TMEM232: variants seen among roughly 807,000 people sequenced by gnomAD.
The protein encoded by TMEM232 is transmembrane protein 232.
Under a neutral mutation model 78.8 loss-of-function variants are expected in TMEM232, and 80 were observed. The ratio of observed to expected loss-of-function variants is 1.01; its 90% confidence interval spans 0.85 to 1.22. The LOEUF is 1.22. TMEM232 is among the 50% of genes most tolerant of loss of function. The probability of loss-of-function intolerance (pLI) is 0.00; values close to 1 mark genes in which losing one functional copy is unlikely to be tolerated. For missense variants in TMEM232, 881 were observed against 742.2 expected (o/e 1.19, Z -2.17); for synonymous variants, 297 against 254.3 (o/e 1.17, Z -1.60).
intron 1 of TMEM232, among the ~76,000 whole-genome samples, chr5:110,712,761 A>T (rs1019629917): frequency 6.6e-6 from 1 of 152,178 alleles, no homozygotes; most frequent in African/African-American, 2.4e-5. Context: ...GCAATAACAA[A>T]TGCTGGAGAG....
At chr5:110,574,011 T>C (rs1777268212) in intron 10 of TMEM232, among the ~76,000 whole-genome samples, 1 of 152,000 alleles carries the variant, frequency 6.6e-6, no homozygotes, top group South Asian at 2.1e-4. Context: ...TTATTCTTAG[T>C]ATAACAAATA....
intron 12 of TMEM232, among the ~76,000 whole-genome samples, chr5:110,506,421 A>C (rs1321105988): frequency 6.6e-6 from 1 of 152,180 alleles, no homozygotes; most frequent in Non-Finnish European, 1.5e-5. Flanking sequence ...TAGAATCTAA[A>C]TGCAAATGGA....
intron 1 of TMEM232, among the ~76,000 whole-genome samples, chr5:110,696,234 C>G (rs1277323637): frequency 6.6e-6 from 1 of 152,100 alleles, no homozygotes; most frequent in Non-Finnish European, 1.5e-5. Context: ...GCAGAAAAGG[C>G]CTTTGACAAA....
At chr5:110,389,887 G>C (rs1419625150) in intron 4 of TMEM232, among the ~76,000 whole-genome samples, 3 of 148,014 alleles carry the variant, frequency 2.0e-5, no homozygotes, top group Non-Finnish European at 4.6e-5. Context: ...AACATGAAGA[G>C]CAAGAAGTCA....
intron 12 of TMEM232, among the ~76,000 whole-genome samples, chr5:110,458,278 T>G (rs1335599493): frequency 6.6e-6 from 1 of 152,124 alleles, no homozygotes; most frequent in Non-Finnish European, 1.5e-5. Flanking sequence ...CATCTTTTTT[T>G]TGTTTTTTTT....
chr5:110,440,977 A>G (rs1758967963), intron 12 of TMEM232, among the ~76,000 whole-genome samples: 1 of 152,156 alleles, frequency 6.6e-6, no homozygotes, highest in South Asian at 2.1e-4. Context: ...CCATGTTTTA[A>G]TACTGCCATC....
chr5:110,409,542 T>A (rs948073132), intron 2 of TMEM232, among the ~76,000 whole-genome samples: 2 of 152,242 alleles, frequency 1.3e-5, no homozygotes, highest in African/African-American at 4.8e-5. Flanking sequence ...GGTCAGTACA[T>A]TCACAGTCTG....
chr5:110,590,442 G>C (rs949080953), intron 10 of TMEM232, among the ~76,000 whole-genome samples: 1 of 152,042 alleles, frequency 6.6e-6, no homozygotes, highest in African/African-American at 2.4e-5. Flanking sequence ...ATTCTCATAG[G>C]AACATGAACC....
chr5:110,660,373 T>C (rs1443110855), intron 2 of TMEM232, among the ~76,000 whole-genome samples: 3 of 151,982 alleles, frequency 2.0e-5, no homozygotes, highest in Non-Finnish European at 4.4e-5. Flanking sequence ...ATAAAAAATA[T>C]ATTCAGACAA....
At chr5:110,415,990 GA>G (rs1317077851), downstream of TMEM232, among the ~76,000 whole-genome samples, 3 of 152,020 alleles carry the variant, frequency 2.0e-5, no homozygotes, top group Admixed American at 2.0e-4. Flanking sequence ...GCTTTTCAGT[GA>G]AACAGGAAAA....
At chr5:110,626,868 T>C (rs1019687029) in intron 6 of TMEM232, among the ~76,000 whole-genome samples, 1 of 152,088 alleles carries the variant, frequency 6.6e-6, no homozygotes, top group African/African-American at 2.4e-5. Context: ...CACTTCCTCT[T>C]ACCTCCCTTA....
At chr5:110,493,106 GA>G (rs1214571524) in intron 12 of TMEM232, among the ~76,000 whole-genome samples, 1 of 151,078 alleles carries the variant, frequency 6.6e-6, no homozygotes, top group Non-Finnish European at 1.5e-5. Flanking sequence ...ACCCATACAA[GA>G]AAAAAAATTA....
chr5:110,522,851 A>C (rs1193715489), intron 12 of TMEM232, among the ~76,000 whole-genome samples: 2 of 152,126 alleles, frequency 1.3e-5, no homozygotes, highest in Non-Finnish European at 2.9e-5. Flanking sequence ...ATCTATATTC[A>C]TAAAAGTTAT....
At chr5:110,687,586 G>C (rs1334772104) in intron 1 of TMEM232, among the ~76,000 whole-genome samples, 1 of 152,052 alleles carries the variant, frequency 6.6e-6, no homozygotes, top group East Asian at 1.9e-4. Flanking sequence ...GATTCCTGGA[G>C]CATAAGGTTT....
At chr5:110,679,841 T>C (rs1270487993) in intron 1 of TMEM232, among the ~76,000 whole-genome samples, 2 of 152,218 alleles carry the variant, frequency 1.3e-5, no homozygotes, top group Non-Finnish European at 2.9e-5. Flanking sequence ...TTATGTCTGT[T>C]GGTTCTAAGT....
intron 2 of TMEM232, among the ~76,000 whole-genome samples, chr5:110,412,347 A>G (rs1410739565): frequency 1.3e-5 from 2 of 152,144 alleles, no homozygotes; most frequent in Non-Finnish European, 2.9e-5. Context: ...ATCCAATCAA[A>G]CCTAATTTTC....
At chr5:110,668,557 T>C (rs1790914744) in intron 1 of TMEM232, among the ~76,000 whole-genome samples, 1 of 152,122 alleles carries the variant, frequency 6.6e-6, no homozygotes, top group Admixed American at 6.6e-5. Flanking sequence ...AGACACAAAA[T>C]GTCATTGTCT....
intron 2 of TMEM232, among the ~76,000 whole-genome samples, chr5:110,659,894 T>C (rs1246155379): frequency 6.6e-6 from 1 of 151,542 alleles, no homozygotes; most frequent in Non-Finnish European, 1.5e-5. Context: ...ATTTGGAAAA[T>C]GGAGAATAAA....
chr5:110,583,966 C>CAAAAAA (rs60079206), intron 10 of TMEM232, among the ~76,000 whole-genome samples: 3 of 99,070 alleles, frequency 3.0e-5, no homozygotes, highest in African/African-American at 7.2e-5. Flanking sequence ...TATCTATTAT[C>CAAAAAA]AAAAAAAAAA....
Sources: gnomAD v4.1 joint callset for allele counts (sites outside exome capture counted in the v4.1 genomes callset) on GRCh38, gnomAD v4.1.1 for gene constraint, MANE v1.5 for transcripts, NCBI Gene and HGNC (gene_info 2026-07-23, HGNC 2026-07-21) for gene names.